RIOK1: variants seen among roughly 807,000 people sequenced by gnomAD.
The protein encoded by RIOK1 is serine/threonine-protein kinase RIO1.
RIOK1 carries 66 observed loss-of-function variants against 73.5 expected under a neutral mutation model. The ratio of observed to expected loss-of-function variants is 0.90; its 90% confidence interval spans 0.74 to 1.10. The LOEUF is 1.10. RIOK1 is among the 50% of genes least tolerant of loss of function. RIOK1 has a pLI of 0.00. For missense variants in RIOK1, 658 were observed against 699.8 expected (o/e 0.94, Z 0.67); for synonymous variants, 224 against 226.8 (o/e 0.99, Z 0.11).
intron 1 of RIOK1, among the ~76,000 whole-genome samples, chr6:7,391,625 G>C (rs533459204): frequency 6.6e-6 from 1 of 152,292 alleles, no homozygotes; most frequent in African/African-American, 2.4e-5. Context: ...TTTTCCATTG[G>C]GGAAGATGTT....
chr6:7,414,591 T>C (rs1761956354), intron 16 of RIOK1, among the ~76,000 whole-genome samples: 1 of 152,212 alleles, frequency 6.6e-6, no homozygotes, highest in Non-Finnish European at 1.5e-5. Flanking sequence ...TCAGAGCACC[T>C]TGGGCATTGC....
chr6:7,402,579 T>TC, intron 6 of RIOK1, 24 bp from the exon 7 acceptor site: 2 of 1,532,434 alleles, frequency 1.3e-6, no homozygotes, highest in Non-Finnish European at 1.8e-6. Context: ...AACTTCATTT[T>TC]CTTTTTTTTT....
chr6:7,395,184 T>C, intron 3 of RIOK1, 41 bp downstream of exon 3: 1 of 1,578,136 alleles, frequency 6.3e-7, no homozygotes, highest in Admixed American at 1.8e-5. Flanking sequence ...GAGGACATTT[T>C]TCAAAAACCA....
At chr6:7,399,844 T>C (rs1333063493) in intron 5 of RIOK1, among the ~76,000 whole-genome samples, 1 of 152,234 alleles carries the variant, frequency 6.6e-6, no homozygotes, top group Non-Finnish European at 1.5e-5. Flanking sequence ...ATTTGGTTTT[T>C]AGTCCTATAG....
At chr6:7,392,611 C>T (rs1044716893) in intron 1 of RIOK1, among the ~76,000 whole-genome samples, 3 of 151,802 alleles carry the variant, frequency 2.0e-5, no homozygotes, top group African/African-American at 7.3e-5. Context: ...CCGTGAACTC[C>T]TGGGCTCAAG....
At chr6:7,416,188 A>C (rs2113534276) in intron 16 of RIOK1, among the ~76,000 whole-genome samples, 1 of 152,332 alleles carries the variant, frequency 6.6e-6, no homozygotes, top group East Asian at 1.9e-4. Flanking sequence ...CTTCTGAGGG[A>C]CATACTCAGC....
Position 7,402,895 on chromosome 6 carries a change from C to A in RIOK1, c.765C>A (p.Ile255=). The A allele has an allele frequency of 1.9e-6, 3 of 1,613,402 alleles. No individual in the cohort carries two copies. The highest frequency in any genetic ancestry group is 2.5e-6 in the Non-Finnish European group (3 of 1,179,460). ...TWAEKEMRNL[I]RLNTAEIPCP... The stretch of plus-strand genomic sequence containing the variant: ...CAGAAAAAGAAATGAGGAACTTAAT[C>A]AGGTGACTGTCTGGGATGTGTGTAT... Residue 255 remains isoleucine, a splice_region_variant and synonymous_variant, in exon 8 of 17, where the codon ATC becomes ATA. Transcript: ENST00000379834.
chr6:7,413,475 C>A (rs1006945786), intron 15 of RIOK1, among the ~76,000 whole-genome samples: 1 of 152,172 alleles, frequency 6.6e-6, no homozygotes, highest in African/African-American at 2.4e-5. Flanking sequence ...TAAAAGCAGT[C>A]TTTATTTTTT....
Position 7,390,036 on chromosome 6 carries a change from G to A in RIOK1, c.34G>A (p.Val12Ile). The A allele has an allele frequency of 6.4e-7, 1 of 1,558,228 alleles. No individual in the cohort carries two copies. Among genetic ancestry groups the A allele is most frequent in the Non-Finnish European group, 8.7e-7 (1 of 1,151,096 alleles). Residue 12 changes from valine (V) to isoleucine (I), a missense_variant, in exon 1 of 17, where the codon GTC becomes ATC. Val to Ile is a conservative substitution (Grantham distance 29, BLOSUM62 3). Transcript: ENST00000379834. ...DYRRLLMSRV[V>I]PGQFDDADSS... ...CCGGCGGCTTCTCATGAGCCGGGTG[G>A]TCCCCGGGCAATTCGACGACGCGGA... is the stretch of plus-strand genomic sequence containing the variant.
intron 8 of RIOK1, among the ~76,000 whole-genome samples, 186 bp downstream of exon 8, chr6:7,403,083 CTGT>C (rs1204846827): frequency 1.3e-5 from 2 of 152,184 alleles, no homozygotes; most frequent in Non-Finnish European, 2.9e-5. Context: ...GTTTCCTATT[CTGT>C]TGTTTTCTAT....
intron 4 of RIOK1, 122 bp from the exon 5 acceptor site, chr6:7,398,575 TA>T: frequency 1.5e-6 from 1 of 689,600 alleles, no homozygotes; most frequent in Non-Finnish European, 2.5e-6. Flanking sequence ...AATCATATCA[TA>T]AAATCTGTTA....
At chr6:7,410,166 G>A (rs1158161562) in intron 12 of RIOK1, among the ~76,000 whole-genome samples, 5 of 152,170 alleles carry the variant, frequency 3.3e-5, no homozygotes, top group Non-Finnish European at 7.4e-5. Context: ...CCCTAGGCTA[G>A]AAGAGTTTGA....
At chr6:7,409,358 G>T (rs1436232457) in intron 12 of RIOK1, among the ~76,000 whole-genome samples, 2 of 151,780 alleles carry the variant, frequency 1.3e-5, no homozygotes, top group Non-Finnish European at 2.9e-5. Context: ...GGGTTCAAGT[G>T]ATTCTCCTGC....
At position 7,395,126 on chromosome 6, in the gene RIOK1, A is replaced by G; in HGVS notation, c.350A>G (p.Glu117Gly). The G allele has an allele frequency of 1.9e-6, 3 of 1,612,850 alleles. No homozygotes were observed. Among genetic ancestry groups the G allele is most frequent in the Non-Finnish European group, 2.5e-6 (3 of 1,179,238 alleles). Residue 117 changes from glutamate to glycine, a missense_variant, in exon 3 of 17, where the codon GAG (glutamate) becomes GGG (glycine). By Grantham distance (98) the Glu-to-Gly change is moderately conservative. Transcript: ENST00000379834. Reference sequence around the variant, plus strand: ...GCAGACAAGGTCTTACGGAAATTTGAGAATAAAATTAATTTAGGTGAGTTT... The same window carrying G: ...GCAGACAAGGTCTTACGGAAATTTGGGAATAAAATTAATTTAGGTGAGTTT... ...TPADKVLRKF[E>G]NKINLDKLNV...
chr6:7,390,604 G>A (rs933452803), intron 1 of RIOK1, among the ~76,000 whole-genome samples: 5 of 152,194 alleles, frequency 3.3e-5, no homozygotes, highest in African/African-American at 1.2e-4. Flanking sequence ...GAATGACAAG[G>A]AGCTAATCCT....
intron 5 of RIOK1, among the ~76,000 whole-genome samples, chr6:7,399,691 C>G (rs936932987): frequency 9.2e-5 from 14 of 152,200 alleles, no homozygotes; most frequent in Admixed American, 1.3e-4. Context: ...CCTGACTTGT[C>G]TAACTGCCAA....
chr6:7,390,097 G>A (rs1384091661), intron 1 of RIOK1, 24 bp downstream of exon 1: 6 of 1,550,764 alleles, frequency 3.9e-6, no homozygotes, highest in Non-Finnish European at 5.2e-6. Context: ...CAGTGCCCTG[G>A]CTCTGGGTAC....
intron 12 of RIOK1, among the ~76,000 whole-genome samples, chr6:7,407,283 A>G (rs949334850): frequency 1.3e-5 from 2 of 152,158 alleles, no homozygotes; most frequent in African/African-American, 4.8e-5. Context: ...ATCGCTCCAC[A>G]TCCTCACCAG....
Position 7,396,752 on chromosome 6 carries a change from T to C in RIOK1, c.417T>C (p.Ser139=). The C allele has an allele frequency of 6.3e-7, 1 of 1,595,832 alleles. No homozygotes were observed. Among genetic ancestry groups the C allele is most frequent in the African/African-American group, 1.3e-5 (1 of 74,632 alleles). The change falls in exon 4 of 17, where the codon TCT becomes TCC. Residue 139 remains serine, a synonymous_variant. Transcript: ENST00000379834. ...DSVINKVTEK[S]RQKEADMYRI... is the part of the protein sequence containing the mutation. ...TCATAAATAAAGTCACCGAAAAGTC[T>C]AGACAAAAGGAAGCAGATATGTAAG...
Sources: gnomAD v4.1 joint callset for allele counts (sites outside exome capture counted in the v4.1 genomes callset) on GRCh38, gnomAD v4.1.1 for gene constraint, MANE v1.5 for transcripts, NCBI Gene and HGNC (gene_info 2026-07-23, HGNC 2026-07-21) for gene names.